The following TRAPPC6A variants were observed in gnomAD, a reference collection of about 807,000 sequenced individuals.
The protein encoded by TRAPPC6A is trafficking protein particle complex subunit 6A, also known as TRAPP complex subunit 6A.
In TRAPPC6A, 25 loss-of-function variants were observed where a neutral mutation model predicts 20.8. That is an observed-to-expected ratio of 1.20 (90% CI 0.88 to 1.68). The LOEUF is 1.68. TRAPPC6A is among the 40% of genes most tolerant of loss of function. TRAPPC6A has a pLI of 0.00. For missense variants in TRAPPC6A, 215 were observed against 211.6 expected, an observed-to-expected ratio of 1.02 and a Z score of -0.10; for synonymous variants, 96 against 93.3, an observed-to-expected ratio of 1.03 and a Z score of -0.16.
rs138017026 is a variant in TRAPPC6A, at chr19:45,164,886, C to T, written c.237G>A (p.Gln79=). The part of the protein sequence containing the change: ...LCKDLWVAVF[Q]KQMDSLRTNH... ...TGGTGCGCAGGCTGTCCATCTGCTT[C>T]TGGAACACCGCCACCCACAGGTCTT... The change falls in exon 3 of 6, where the codon CAG becomes CAA. Residue 79 remains glutamine, a synonymous_variant. Transcript: ENST00000585934. 6.2e-7 allele frequency: 1 copy of T among 1,614,132 alleles called. No homozygotes were observed. Among genetic ancestry groups the T allele is most frequent in the East Asian group, 2.2e-5 (1 of 44,870 alleles).
At chr19:45,174,461 TC>T (rs1969324175) in intron 1 of TRAPPC6A, among the ~76,000 whole-genome samples, 1 of 152,012 alleles carries the variant, frequency 6.6e-6, no homozygotes, top group South Asian at 2.1e-4. Context: ...CCCAGGCCCA[TC>T]CCGCACAAAG....
chr19:45,166,851 G>T (rs367999419), intron 1 of TRAPPC6A, among the ~76,000 whole-genome samples: 4 of 152,084 alleles, frequency 2.6e-5, no homozygotes, highest in African/African-American at 9.7e-5. Flanking sequence ...GCAGCCATCC[G>T]AATGGGGATG....
Position 45,163,210 on chromosome 19 carries a change from C to T in TRAPPC6A, c.462G>A (p.Val154=). The T allele has an allele frequency of 1.2e-6, 2 of 1,613,926 alleles. No homozygotes were observed. The highest frequency in any genetic ancestry group is 2.2e-5 in the South Asian group (2 of 91,074). ...VAALPVCKFQ[V]VIPKS ...GGCAGGCTTAGGATTTCGGAATCACCACCTGGAACTTACCTGGAAGAGAAG... is the reference window on the plus strand; with the variant it reads ...GGCAGGCTTAGGATTTCGGAATCACTACCTGGAACTTACCTGGAAGAGAAG... The change falls in exon 6 of 6, where the codon GTG becomes GTA. Residue 154 remains valine (V), a synonymous_variant. Transcript: ENST00000585934. This position sits in a 1 kb window ranked among gnomAD's most constrained non-coding sequence, Gnocchi z 5.3.
intron 1 of TRAPPC6A, among the ~76,000 whole-genome samples, chr19:45,168,244 T>C (rs1329652926): frequency 2.7e-5 from 4 of 150,586 alleles, no homozygotes; most frequent in South Asian, 2.1e-4. Context: ...ACCTCGTGAT[T>C]CACCCACCTC....
rs561854965 is a variant in TRAPPC6A, at chr19:45,165,544, A to G, written c.85-350T>C. Among the ~76,000 whole-genome samples, 4 of 152,310 alleles carry G rather than the reference A, an allele frequency of 2.6e-5. No homozygotes were observed. In the South Asian group the frequency reaches 8.3e-4, roughly 32 times the overall value. On this transcript the variant is annotated intron_variant, in intron 1 of 5. Coordinates refer to ENST00000585934, the MANE Select transcript of TRAPPC6A (RefSeq NM_001270891.2). ...CCCATGACAGGCTGCACGTGCTTTC[A>G]GCGCGAACCCTCACAATGCCCTGGG...
chr19:45,167,869 T>G (rs1969189381), intron 1 of TRAPPC6A, among the ~76,000 whole-genome samples: 1 of 152,034 alleles, frequency 6.6e-6, no homozygotes, highest in Non-Finnish European at 1.5e-5. Flanking sequence ...TGTGGTGGCA[T>G]GCACCCGTGT....
In TRAPPC6A at chr19:45,164,648, G is replaced by C. The variant is rs947346409; in HGVS notation, c.270+205C>G. ...TGCATGGCTCACTCCTGGTAGGCTGGAGAAGTTCCGGAAACACCCCCTATG... is the reference window on the plus strand; with the variant it reads ...TGCATGGCTCACTCCTGGTAGGCTGCAGAAGTTCCGGAAACACCCCCTATG... On this transcript the variant is annotated intron_variant, in intron 3 of 5. Coordinates refer to ENST00000585934, the MANE Select transcript of TRAPPC6A (RefSeq NM_001270891.2). 5.0e-6 allele frequency: 3 copies of C among 606,000 alleles called. No individual in the cohort carries two copies. The African/African-American group carries it at 5.6e-5, about 11-fold the overall frequency. 37.5% of individuals were successfully genotyped at this position (606,000 alleles called of 1,614,324 possible). A position where few individuals can be genotyped will look rare whatever the true frequency, so the allele number is the denominator to read the frequency against.
In TRAPPC6A at chr19:45,173,036, G is replaced by C. The variant is rs12975698; in HGVS notation, c.84+5099C>G. On this transcript the variant is annotated intron_variant, in intron 1 of 5. Coordinates refer to ENST00000585934, the MANE Select transcript of TRAPPC6A (RefSeq NM_001270891.2). This position sits in a 1 kb window ranked among gnomAD's most constrained non-coding sequence, Gnocchi z 4.8. ...TAAGGGGCTGCCCAAGTGCACTCTCGGGGTGTGGTGGATGGAGGCCTGGCG... is the reference window on the plus strand; with the variant it reads ...TAAGGGGCTGCCCAAGTGCACTCTCCGGGTGTGGTGGATGGAGGCCTGGCG... Among the ~76,000 whole-genome samples the C allele has an allele frequency of 0.27, 41,081 of 151,208 alleles. 6,437 individuals carry two copies. The highest frequency in any genetic ancestry group is 0.33 in the Non-Finnish European group (22,733 of 67,938).
At position 45,173,794 on chromosome 19, in the gene TRAPPC6A, A is replaced by AG. The variant is rs1326557417; in HGVS notation, c.84+4340dup. On this transcript the variant is annotated intron_variant, in intron 1 of 5. Coordinates refer to ENST00000585934, the MANE Select transcript of TRAPPC6A (RefSeq NM_001270891.2). The surrounding 1 kb of genome is among the most constrained non-coding windows in gnomAD (Gnocchi z 4.8). ...CGGGGCTCCCCAGGAGGAAGGAGTG[A>AG]GGGGAAACGATGCAGTTCTCACCCC... is the stretch of plus-strand genomic sequence containing the variant. 6.6e-6 allele frequency among the ~76,000 whole-genome samples: 1 copy of AG among 152,172 alleles called. No homozygotes were observed. The highest frequency in any genetic ancestry group is 1.5e-5 in the Non-Finnish European group (1 of 68,022).
rs1348061981 is a variant in TRAPPC6A, at chr19:45,163,881, G to A, written c.448+35C>T. ...ACTCTGAAGCCCCCAGCAACTCAAGGGATGAGAAGAATCCCCCCACCCCCC... is the reference window on the plus strand; with the variant it reads ...ACTCTGAAGCCCCCAGCAACTCAAGAGATGAGAAGAATCCCCCCACCCCCC... On this transcript the variant is annotated intron_variant, in intron 5 of 5. Transcript: ENST00000585934. This position sits in a 1 kb window ranked among gnomAD's most constrained non-coding sequence, Gnocchi z 5.3. 1 of 1,532,522 alleles carries A rather than the reference G, an allele frequency of 6.5e-7. No homozygotes were observed. The highest frequency in any genetic ancestry group is 1.2e-5 in the South Asian group (1 of 83,712). The allele number at this position is 1,532,522 out of a possible 1,614,324, so 94.9% of individuals were successfully genotyped here.
Position 45,165,157 on chromosome 19 carries a change from C to T in TRAPPC6A, c.122G>A (p.Gly41Glu), listed in dbSNP as rs548389195. Residue 41 changes from glycine to glutamate, a missense_variant, in exon 2 of 6, where the codon GGG becomes GAG. By Grantham distance (98) the Gly-to-Glu change is moderately conservative (BLOSUM62 -2). Coordinates refer to ENST00000585934, the MANE Select transcript of TRAPPC6A (RefSeq NM_001270891.2). Reference protein sequence around the residue: ...KMSLSVLEGMGFRVGQALGER... With the variant: ...KMSLSVLEGMEFRVGQALGER... Reference sequence around the variant, plus strand: ...GCCTAGAGCCTGGCCCACACGGAACCCCATACCCTCCAGGACCGACAGGCT... The same window carrying T: ...GCCTAGAGCCTGGCCCACACGGAACTCCATACCCTCCAGGACCGACAGGCT... 1.2e-6 allele frequency: 2 copies of T among 1,610,184 alleles called. No individual in the cohort carries two copies. The highest frequency in any genetic ancestry group is 1.7e-5 in the Admixed American group (1 of 59,638).
intron 1 of TRAPPC6A, among the ~76,000 whole-genome samples, chr19:45,176,306 A>C (rs1599741618): frequency 6.7e-6 from 1 of 148,284 alleles, no homozygotes; most frequent in Non-Finnish European, 1.5e-5. Context: ...ACAAAAAAAA[A>C]AAACAAAATT....
intron 1 of TRAPPC6A, among the ~76,000 whole-genome samples, chr19:45,165,546 C>T (rs1969133395): frequency 6.6e-6 from 1 of 152,242 alleles, no homozygotes; most frequent in Non-Finnish European, 1.5e-5. Flanking sequence ...GTGCTTTCAG[C>T]GCGAACCCTC....
chr19:45,177,036 G>C (rs933857685), intron 1 of TRAPPC6A, among the ~76,000 whole-genome samples: 42 of 152,118 alleles, frequency 2.8e-4, no homozygotes, highest in Non-Finnish European at 5.7e-4. Context: ...AAATTAGCCA[G>C]GTGTGGTGGC....
chr19:45,176,945 G>T (rs967137102), intron 1 of TRAPPC6A, among the ~76,000 whole-genome samples: 1 of 149,354 alleles, frequency 6.7e-6, no homozygotes, highest in Non-Finnish European at 1.5e-5. Flanking sequence ...AAGATGGGCA[G>T]ATCACGAGGT....
At chr19:45,175,789 G>A (rs528181422) in intron 1 of TRAPPC6A, among the ~76,000 whole-genome samples, 2 of 151,294 alleles carry the variant, frequency 1.3e-5, no homozygotes, top group Non-Finnish European at 2.9e-5. Flanking sequence ...GGGACTCCAG[G>A]GTTTCTCGTT....
Position 45,165,144 on chromosome 19 carries a change from G to T in TRAPPC6A, c.135C>A (p.Gly45=). Residue 45 remains glycine (G), a synonymous_variant, in exon 2 of 6, where the codon GGC becomes GGA. Coordinates refer to ENST00000585934, the MANE Select transcript of TRAPPC6A (RefSeq NM_001270891.2). ...SVLEGMGFRV[G]QALGERLPRE... ...GCGCTCACCTCTCGCCTAGAGCCTGGCCCACACGGAACCCCATACCCTCCA... is the reference window on the plus strand; with the variant it reads ...GCGCTCACCTCTCGCCTAGAGCCTGTCCCACACGGAACCCCATACCCTCCA... The T allele has an allele frequency of 6.2e-7, 1 of 1,611,310 alleles. No homozygotes were observed. Among genetic ancestry groups the T allele is most frequent in the African/African-American group, 1.3e-5 (1 of 74,896 alleles).
At position 45,172,850 on chromosome 19, in the gene TRAPPC6A, G is replaced by A. The variant is rs553561420; in HGVS notation, c.84+5285C>T. On this transcript the variant is annotated intron_variant, in intron 1 of 5. Transcript: ENST00000585934. The surrounding 1 kb of genome is among the most constrained non-coding windows in gnomAD (Gnocchi z 4.2). ...TCTAGAATGTAAATCTGAGCCAGGC[G>A]CACCTCAGTTTAAACCCGGCTATGG... 1.2e-3 allele frequency among the ~76,000 whole-genome samples: 183 copies of A among 151,842 alleles called. 4 individuals carry two copies. Among genetic ancestry groups the A allele is most frequent in the Non-Finnish European group, 4.3e-4 (29 of 68,030 alleles).
chr19:45,167,190 A>C (rs973007584), intron 1 of TRAPPC6A, among the ~76,000 whole-genome samples: 1 of 152,144 alleles, frequency 6.6e-6, no homozygotes, highest in South Asian at 2.1e-4. Flanking sequence ...TGCTTAACAG[A>C]CTGGCTGATG....
Sources: allele counts gnomAD v4.1 joint callset (sites outside exome capture counted in the v4.1 genomes callset), GRCh38; gene constraint gnomAD v4.1.1; non-coding constraint Gnocchi (gnomAD v3.1); transcripts MANE v1.5; gene names NCBI Gene and HGNC (gene_info 2026-07-23, HGNC 2026-07-21).